Variants in DLG2 observed in about 807,000 individuals in gnomAD.
DLG2 encodes the protein discs large MAGUK scaffold protein 2.
DLG2 carries 45 observed loss-of-function variants against 132.5 expected under a neutral mutation model. That is an observed-to-expected ratio of 0.34 (90% CI 0.27 to 0.44). DLG2 has a LOEUF of 0.44. DLG2 is among the 20% of genes least tolerant of loss of function. DLG2 has a pLI of 1.00. For missense variants in DLG2, 1,045 were observed against 1,196.9 expected (o/e 0.87, Z 1.87); for synonymous variants, 424 against 419.6 (o/e 1.01, Z -0.13).
chr11:83,650,542 G>A (rs922282036), intron 18 of DLG2, among the ~76,000 whole-genome samples: 1 of 152,148 alleles, frequency 6.6e-6, no homozygotes, highest in Non-Finnish European at 1.5e-5. Context: ...AACTGTAAGA[G>A]AATAGAACTG....
intron 6 of DLG2, among the ~76,000 whole-genome samples, chr11:84,641,981 G>A (rs1480828362): frequency 1.4e-5 from 2 of 142,066 alleles, no homozygotes; most frequent in African/African-American, 5.4e-5. Context: ...ATGTATGCAT[G>A]TGTGTATGTG....
chr11:84,758,011 A>C (rs1187834856), intron 6 of DLG2, among the ~76,000 whole-genome samples: 1 of 152,190 alleles, frequency 6.6e-6, no homozygotes, highest in African/African-American at 2.4e-5. Flanking sequence ...GGAATAATCT[A>C]CAATCTGTAT....
chr11:85,011,889 T>A (rs1375739351), intron 6 of DLG2, among the ~76,000 whole-genome samples: 1 of 152,200 alleles, frequency 6.6e-6, no homozygotes, highest in African/African-American at 2.4e-5. Flanking sequence ...TAGTATAATT[T>A]ATTCCTTCAG....
chr11:85,562,231 A>G (rs994162392), intron 3 of DLG2, among the ~76,000 whole-genome samples: 2 of 151,742 alleles, frequency 1.3e-5, no homozygotes, highest in African/African-American at 2.4e-5. Flanking sequence ...AATAAAGTTG[A>G]TCCAGGCAAC....
At chr11:84,354,738 T>A (rs2098600776) in intron 7 of DLG2, among the ~76,000 whole-genome samples, 1 of 152,138 alleles carries the variant, frequency 6.6e-6, no homozygotes, top group Non-Finnish European at 1.5e-5. Context: ...GTTGTGAAGC[T>A]GGTTATTGTA....
intron 2 of DLG2, among the ~76,000 whole-genome samples, chr11:85,609,897 T>C (rs982529702): frequency 1.3e-5 from 2 of 152,198 alleles, no homozygotes; most frequent in Non-Finnish European, 2.9e-5. Context: ...ACCTCCTCAG[T>C]TGTAATTGGG....
At chr11:83,998,457 A>T (rs1454009960) in intron 11 of DLG2, among the ~76,000 whole-genome samples, 1 of 152,224 alleles carries the variant, frequency 6.6e-6, no homozygotes, top group Non-Finnish European at 1.5e-5. Context: ...AATAAATTCA[A>T]CAGAAAAGTG....
At chr11:84,654,521 T>C (rs1286924614) in intron 6 of DLG2, among the ~76,000 whole-genome samples, 2 of 152,176 alleles carry the variant, frequency 1.3e-5, no homozygotes, top group African/African-American at 4.8e-5. Flanking sequence ...TAGTAGGATA[T>C]AATCAAATAA....
At chr11:84,355,888 T>G (rs1032153419) in intron 7 of DLG2, among the ~76,000 whole-genome samples, 3 of 152,118 alleles carry the variant, frequency 2.0e-5, no homozygotes, top group African/African-American at 4.8e-5. Flanking sequence ...TGTGTCACTG[T>G]TCAATAAATA....
At chr11:84,098,751 C>T (rs1945799) in intron 10 of DLG2, among the ~76,000 whole-genome samples, 172 bp downstream of exon 10, 130,648 of 152,158 alleles carry the variant, frequency 0.86, 56,491 homozygotes, top group Middle Eastern at 0.94. Flanking sequence ...TCAAACACTA[C>T]TGAAATTCAA....
chr11:84,362,688 T>C (rs1255002150), intron 7 of DLG2, among the ~76,000 whole-genome samples: 1 of 151,326 alleles, frequency 6.6e-6, no homozygotes, highest in Non-Finnish European at 1.5e-5. Flanking sequence ...GTCCCCAGAG[T>C]GTGATGTTCC....
chr11:85,490,361 A>G (rs1472144163), intron 3 of DLG2, among the ~76,000 whole-genome samples: 1 of 151,992 alleles, frequency 6.6e-6, no homozygotes, highest in Non-Finnish European at 1.5e-5. Context: ...CAATCTAACA[A>G]CTAGTTAGAT....
At position 84,091,579 on chromosome 11, in the gene DLG2, T is replaced by C. The variant is rs367698198; in HGVS notation, c.749+7344A>G. 2.0e-5 allele frequency among the ~76,000 whole-genome samples: 3 copies of C among 152,344 alleles called. No individual in the cohort carries two copies. The East Asian group carries it at 5.8e-4, about 29-fold the overall frequency. On this transcript the variant is annotated intron_variant, in intron 10 of 27. Transcript: ENST00000376104. ...CCGGAGACCTGCAACAGCAAGCTAC[T>C]CTGCAGCCCAGTTTAAGGGAATTTT...
chr11:84,378,223 C>T (rs548135081), intron 7 of DLG2, among the ~76,000 whole-genome samples: 1 of 152,254 alleles, frequency 6.6e-6, no homozygotes, highest in East Asian at 1.9e-4. Flanking sequence ...GAAGAGACAT[C>T]AGGGGGCTGG....
intron 10 of DLG2, among the ~76,000 whole-genome samples, chr11:84,094,624 T>C (rs2097141708): frequency 6.6e-6 from 1 of 152,202 alleles, no homozygotes; most frequent in Non-Finnish European, 1.5e-5. Context: ...CCTTTAGATA[T>C]GTCCTCACAT....
intron 6 of DLG2, among the ~76,000 whole-genome samples, chr11:84,899,428 G>A (rs191435933): frequency 6.6e-6 from 1 of 152,158 alleles, no homozygotes; most frequent in African/African-American, 2.4e-5. Context: ...AACTAAAAAT[G>A]TTGGTAATCT....
At chr11:85,446,659 A>G (rs1346543478) in intron 3 of DLG2, among the ~76,000 whole-genome samples, 1 of 152,096 alleles carries the variant, frequency 6.6e-6, no homozygotes, top group Non-Finnish European at 1.5e-5. Flanking sequence ...AATAACTAAA[A>G]TTATGTAGCG....
chr11:84,560,410 G>A (rs980363037), intron 6 of DLG2, among the ~76,000 whole-genome samples: 2 of 152,118 alleles, frequency 1.3e-5, no homozygotes, highest in East Asian at 1.9e-4. Flanking sequence ...AAAGGCAACA[G>A]AACTGGCAGG....
intron 6 of DLG2, among the ~76,000 whole-genome samples, chr11:84,619,089 A>AT (rs1353369270): frequency 6.6e-6 from 1 of 151,852 alleles, no homozygotes; most frequent in Non-Finnish European, 1.5e-5. Context: ...CAGAACACAC[A>AT]TTTTTCTTAG....
Sources: allele counts gnomAD v4.1 joint callset (sites outside exome capture counted in the v4.1 genomes callset), GRCh38; gene constraint gnomAD v4.1.1; transcripts MANE v1.5; gene names NCBI Gene and HGNC (gene_info 2026-07-23, HGNC 2026-07-21).